The following NDRG2 variants were observed in gnomAD, a reference collection of about 807,000 sequenced individuals.
The protein encoded by NDRG2 is protein NDRG2.
A neutral mutation model predicts 58.2 loss-of-function variants in NDRG2; 34 were observed. That is an observed-to-expected ratio of 0.58 (90% confidence interval 0.44 to 0.78). NDRG2 has a LOEUF of 0.78. NDRG2 is among the 30% of genes least tolerant of loss of function. The pLI is 0.00. For missense variants in NDRG2, 434 were observed against 471.2 expected (o/e 0.92, Z 0.73); for synonymous variants, 187 against 175.9 (o/e 1.06, Z -0.50).
At chr14:21,032,392 T>C in intron 1 of NDRG2, 1 of 470,388 alleles carries the variant, frequency 2.1e-6, no homozygotes, top group Non-Finnish European at 4.2e-6. Flanking sequence ...TAAAAGTATC[T>C]ACTACTTGTG....
intron 1 of NDRG2, among the ~76,000 whole-genome samples, chr14:21,044,404 C>T (rs1189470077): frequency 6.6e-6 from 1 of 152,234 alleles, no homozygotes; most frequent in Non-Finnish European, 1.5e-5. Flanking sequence ...AGCTTCATCC[C>T]CCAGATCCAG....
chr14:21,030,835 A>T, upstream of NDRG2: 2 of 1,546,770 alleles, frequency 1.3e-6, no homozygotes, highest in Non-Finnish European at 1.8e-6. Flanking sequence ...GTGGTGGAAC[A>T]TTTGCAGTGG....
At chr14:21,053,973 G>A (rs186164734) in intron 1 of NDRG2, among the ~76,000 whole-genome samples, 9 of 152,310 alleles carry the variant, frequency 5.9e-5, no homozygotes, top group African/African-American at 1.9e-4. Flanking sequence ...CCAGAATTCA[G>A]GGCTATTCAT....
rs1879560909 is a variant in NDRG2, at chr14:21,020,480, A to G, written c.555+16T>C. On this transcript the variant is annotated intron_variant, in intron 8 of 15. Coordinates refer to ENST00000556147, the MANE Select transcript of NDRG2 (RefSeq NM_001320329.2). ...GATCCCCAACCGTAGGTCTCAGCACACAGGCCCCTCCAAACCTTGTGGGCT... is the reference window on the plus strand; with the variant it reads ...GATCCCCAACCGTAGGTCTCAGCACGCAGGCCCCTCCAAACCTTGTGGGCT... 1.9e-6 allele frequency: 3 copies of G among 1,610,852 alleles called. No homozygotes were observed. The highest frequency in any genetic ancestry group is 4.5e-5 in the East Asian group (2 of 44,858).
Position 21,070,183 on chromosome 14 carries a change from G to C in NDRG2, c.24+645C>G. 1 of 267,916 alleles carries C rather than the reference G, an allele frequency of 3.7e-6. No homozygotes were observed. The allele number at this position is 267,916 out of a possible 1,614,324, so 16.6% of individuals were successfully genotyped here. ...GGCAAGGGGTCCCGCGCGGAGGCGG[G>C]GGCGGGCGCTGAAGGGCGGGGCGGG... On this transcript the variant is annotated intron_variant, in intron 1 of 14. Coordinates refer to the NDRG2 transcript ENST00000403829. The surrounding 1 kb of genome is among the most constrained non-coding windows in gnomAD (Gnocchi z 4.7).
At chr14:21,027,190 G>C (rs1243452), upstream of NDRG2, among the ~76,000 whole-genome samples, 95,020 of 151,588 alleles carry the variant, frequency 0.63, 32,072 homozygotes, top group East Asian at 0.88. Context: ...AAGTAAGGCT[G>C]GTTCTCCCCT....
At chr14:21,053,787 G>C (rs1055011259) in intron 1 of NDRG2, among the ~76,000 whole-genome samples, 4 of 152,028 alleles carry the variant, frequency 2.6e-5, no homozygotes, top group Admixed American at 2.6e-4. Context: ...CTGGGTGACA[G>C]AGCAAGACCC....
At position 21,020,506 on chromosome 14, in the gene NDRG2, G is replaced by T; in HGVS notation, c.545C>A (p.Ala182Glu). 1 of 1,613,368 alleles carries T rather than the reference G, an allele frequency of 6.2e-7. No homozygotes were observed. The highest frequency in any genetic ancestry group is 8.5e-7 in the Non-Finnish European group (1 of 1,179,700). ...DPNAKGWMDW[A>E]AHKLTGLTSS... ...CAGGCCCCTCCAAACCTTGTGGGCT[G>T]CCCAATCCATCCAACCCTTGGCATT... The change falls in exon 8 of 16, where the codon GCA becomes GAA. Residue 182 changes from alanine (A) to glutamate (E), a missense_variant. Physicochemically the swap from Ala to Glu is moderately radical, Grantham distance 107. Coordinates refer to ENST00000556147, the MANE Select transcript of NDRG2 (RefSeq NM_001320329.2).
chr14:21,022,274 G>C, intron 4 of NDRG2, 92 bp from the exon 5 acceptor site: 1 of 1,597,242 alleles, frequency 6.3e-7, no homozygotes, highest in South Asian at 1.1e-5. Flanking sequence ...GCCACAGTCA[G>C]ACCAGGAGAG....
chr14:21,035,977 C>A (rs1279635054), intron 1 of NDRG2: 8 of 386,194 alleles, frequency 2.1e-5, no homozygotes, highest in Non-Finnish European at 3.6e-5. Context: ...GTTTACGAAA[C>A]CACTGAAAGC....
Position 21,037,635 on chromosome 14 carries a change from A to C in NDRG2, c.25-14314T>G, listed in dbSNP as rs1303752695. Among the ~76,000 whole-genome samples the C allele has an allele frequency of 2.0e-5, 3 of 152,260 alleles. No individual in the cohort carries two copies. The East Asian group carries it at 5.8e-4, about 29-fold the overall frequency. Reference sequence around the variant, plus strand: ...AGATGTAAATAACACTGAGGTTGTGAAGCCCTGGTCTAAATAATTAGCTAA... The same window carrying C: ...AGATGTAAATAACACTGAGGTTGTGCAGCCCTGGTCTAAATAATTAGCTAA... On this transcript the variant is annotated intron_variant, in intron 1 of 14. Transcript: ENST00000403829.
Position 21,017,999 on chromosome 14 carries a change from C to G in NDRG2, c.937G>C (p.Gly313Arg). ...LTEAFKYFLQGMGYMASSCMT... is the reference protein window; with the variant it reads ...LTEAFKYFLQRMGYMASSCMT... ...TCCCGATACTCACTGTAGCCCATGC[C>G]TTGCAGGAAGTACTTGAAGGCCTCG... Residue 313 changes from glycine (G) to arginine (R), a missense_variant, in exon 15 of 16, where the codon GGC (glycine) becomes CGC (arginine). By Grantham distance (125) the Gly-to-Arg change is moderately radical (BLOSUM62 -2). Coordinates refer to ENST00000556147, the MANE Select transcript of NDRG2 (RefSeq NM_001320329.2). The G allele has an allele frequency of 6.2e-7, 1 of 1,614,216 alleles. No homozygotes were observed. The highest frequency in any genetic ancestry group is 2.2e-5 in the East Asian group (1 of 44,880).
chr14:21,057,534 G>A (rs1338448947), intron 1 of NDRG2, among the ~76,000 whole-genome samples: 1 of 150,482 alleles, frequency 6.6e-6, no homozygotes, highest in South Asian at 2.1e-4. Context: ...GAACTTGAGA[G>A]GTCCTGGTTA....
intron 1 of NDRG2, among the ~76,000 whole-genome samples, chr14:21,049,412 C>T (rs921343497): frequency 3.9e-5 from 6 of 152,156 alleles, no homozygotes; most frequent in African/African-American, 1.4e-4. Context: ...TTCATAGAAA[C>T]TTAGTTGAAC....
intron 3 of NDRG2, 104 bp downstream of exon 3, chr14:21,022,760 G>A: frequency 4.3e-6 from 5 of 1,165,914 alleles, no homozygotes; most frequent in Non-Finnish European, 4.9e-6. Flanking sequence ...TAGAATAGAA[G>A]GAAAGAAAGC....
chr14:21,020,034 G>A lies in NDRG2; in HGVS notation c.556-58C>T, dbSNP rs377209116. On this transcript the variant is annotated intron_variant, in intron 8 of 15. Coordinates refer to ENST00000556147, the MANE Select transcript of NDRG2 (RefSeq NM_001320329.2). Reference sequence around the variant, plus strand: ...GTATTGGCCAGGCACAGTGGCTCACGTCTGTAATCCCAGCACTTTGGGAGG... The same window carrying A: ...GTATTGGCCAGGCACAGTGGCTCACATCTGTAATCCCAGCACTTTGGGAGG... 798 of 1,519,152 alleles carry A rather than the reference G, an allele frequency of 5.3e-4. 2 individuals carry two copies. The highest frequency in any genetic ancestry group is 6.7e-4 in the Non-Finnish European group (736 of 1,097,944). 94.1% of individuals were successfully genotyped at this position (1,519,152 alleles called of 1,614,324 possible).
rs1222439675 is a variant in NDRG2 at position 21,033,902 on chromosome 14, T to C, written c.25-10581A>G. 6 of 1,613,930 alleles carry C rather than the reference T, an allele frequency of 3.7e-6. No individual in the cohort carries two copies. The African/African-American group carries it at 8.0e-5, about 22-fold the overall frequency. ...AGAGTAGGTAGAGCTTCTGGTTGGTTAGGGTGCTATTGTAGTAGCAGCTAG... is the reference window on the plus strand; with the variant it reads ...AGAGTAGGTAGAGCTTCTGGTTGGTCAGGGTGCTATTGTAGTAGCAGCTAG... On this transcript the variant is annotated intron_variant, in intron 1 of 14. Transcript: ENST00000403829.
chr14:21,034,220 G>T (rs1354221019), intron 1 of NDRG2: 1 of 1,614,126 alleles, frequency 6.2e-7, no homozygotes, highest in Admixed American at 1.7e-5. Flanking sequence ...TCTGCATCTT[G>T]ATGTCCATGA....
At chr14:21,034,070 A>C in intron 1 of NDRG2, 1 of 1,614,194 alleles carries the variant, frequency 6.2e-7, no homozygotes, top group Non-Finnish European at 8.5e-7. Flanking sequence ...CATGTATCAC[A>C]TAATGGATCT....
Sources: allele counts gnomAD v4.1 joint callset (sites outside exome capture counted in the v4.1 genomes callset), GRCh38; gene constraint gnomAD v4.1.1; non-coding constraint Gnocchi (gnomAD v3.1); transcripts MANE v1.5; gene names NCBI Gene and HGNC (gene_info 2026-07-23, HGNC 2026-07-21).